ABLIM2: variants seen among roughly 807,000 people sequenced by gnomAD.
ABLIM2 encodes actin binding LIM protein family member 2.
Under a neutral mutation model 97.7 loss-of-function variants are expected in ABLIM2, and 53 were observed. The ratio of observed to expected loss-of-function variants is 0.54; its 90% CI spans 0.44 to 0.68. The LOEUF (loss-of-function observed/expected upper bound fraction) is 0.68, where lower values mean the gene tolerates loss of function less well. ABLIM2 is among the 30% of genes least tolerant of loss of function. The probability of loss-of-function intolerance (pLI) is 0.00; values close to 1 mark genes in which losing one functional copy is unlikely to be tolerated. For synonymous variants in ABLIM2, 361 were observed against 345.8 expected (o/e 1.04, Z -0.49); for missense variants, 835 against 867.2 (o/e 0.96, Z 0.47).
chr4:8,117,963 T>G (rs564936960), intron 1 of ABLIM2, among the ~76,000 whole-genome samples: 2 of 152,218 alleles, frequency 1.3e-5, no homozygotes, highest in Non-Finnish European at 1.5e-5. Context: ...CTGGGCTTCA[T>G]GCAGGACATC....
rs1376837073 is a variant in ABLIM2, at chr4:8,021,979, G to A, written c.1268-1676C>T. Among the ~76,000 whole-genome samples, 3 of 152,114 alleles carry A rather than the reference G, an allele frequency of 2.0e-5. No individual in the cohort carries two copies. In the South Asian group the frequency reaches 6.2e-4, roughly 32 times the overall value. ...GGTCACGCTCGTCAGGATGCTCCACGGTGGACTCCTGCACCTCCTGGTGGC... is the reference window on the plus strand; with the variant it reads ...GGTCACGCTCGTCAGGATGCTCCACAGTGGACTCCTGCACCTCCTGGTGGC... On this transcript the variant is annotated intron_variant, in intron 12 of 20. Coordinates refer to ENST00000447017, the MANE Select transcript of ABLIM2 (RefSeq NM_001130083.2). The surrounding 1 kb of genome is among the most constrained non-coding windows in gnomAD (Gnocchi z 5.5).
intron 14 of ABLIM2, among the ~76,000 whole-genome samples, chr4:8,016,279 C>T (rs1350953349): frequency 6.6e-6 from 1 of 151,996 alleles, no homozygotes; most frequent in African/African-American, 2.4e-5. Context: ...CCTGACCTCA[C>T]GTGATCCACC....
At chr4:7,982,172 C>T (rs1739126364) in intron 20 of ABLIM2, among the ~76,000 whole-genome samples, 1 of 145,372 alleles carries the variant, frequency 6.9e-6, no homozygotes. Context: ...AGCCACCGCC[C>T]CTCAGCGGCA....
intron 18 of ABLIM2, among the ~76,000 whole-genome samples, chr4:7,984,269 G>GC (rs1195517526): frequency 2.0e-5 from 3 of 152,200 alleles, no homozygotes; most frequent in African/African-American, 7.2e-5. Flanking sequence ...CTTAGAGGGA[G>GC]CAGGCTGTGG....
intron 8 of ABLIM2, among the ~76,000 whole-genome samples, chr4:8,049,104 T>C (rs1794390536): frequency 6.6e-6 from 1 of 152,080 alleles, no homozygotes; most frequent in African/African-American, 2.4e-5. Flanking sequence ...TCACGGCGCC[T>C]CTGAGCATCC....
chr4:8,063,912 C>T (rs1337726939), intron 6 of ABLIM2, among the ~76,000 whole-genome samples: 2 of 152,216 alleles, frequency 1.3e-5, no homozygotes, highest in Non-Finnish European at 1.5e-5. Context: ...CCTTTCGTTA[C>T]CAGGGAATAA....
rs1249689783 is a variant in ABLIM2, at chr4:8,087,900, A to G, written c.454+269T>C. Reference sequence around the variant, plus strand: ...CTCCTCACATTTATTCACAGCGTTCACTGCAGCTGCTGCTGCTCTGGGTCC... The same window carrying G: ...CTCCTCACATTTATTCACAGCGTTCGCTGCAGCTGCTGCTGCTCTGGGTCC... On this transcript the variant is annotated intron_variant, in intron 4 of 20. Transcript: ENST00000447017. This position sits in a 1 kb window ranked among gnomAD's most constrained non-coding sequence, Gnocchi z 4.6. Among the ~76,000 whole-genome samples, 1 of 151,896 alleles carries G rather than the reference A, an allele frequency of 6.6e-6. No individual in the cohort carries two copies. The highest frequency in any genetic ancestry group is 1.5e-5 in the Non-Finnish European group (1 of 67,956).
chr4:7,998,854 T>A lies in ABLIM2; in HGVS notation c.1619-5927A>T, dbSNP rs576339008. ...CACTTTGCTGTTCCCACCTTTAGAGTTGTCCTGTGACCAACCGTCTGCCGT... is the reference window on the plus strand; with the variant it reads ...CACTTTGCTGTTCCCACCTTTAGAGATGTCCTGTGACCAACCGTCTGCCGT... On this transcript the variant is annotated intron_variant, in intron 16 of 20. Transcript: ENST00000447017. The surrounding 1 kb of genome is among the most constrained non-coding windows in gnomAD (Gnocchi z 6.4). Among the ~76,000 whole-genome samples, 2 of 152,070 alleles carry A rather than the reference T, an allele frequency of 1.3e-5. No homozygotes were observed. Among genetic ancestry groups the A allele is most frequent in the Non-Finnish European group, 2.9e-5 (2 of 67,996 alleles).
At chr4:7,968,903 G>C (rs956392539) in intron 20 of ABLIM2, among the ~76,000 whole-genome samples, 1 of 152,196 alleles carries the variant, frequency 6.6e-6, no homozygotes, top group African/African-American at 2.4e-5. Context: ...CACTTTGGGA[G>C]GTTGAGGCGT....
chr4:8,107,081 A>C (rs554720270), intron 1 of ABLIM2, among the ~76,000 whole-genome samples: 86 of 152,334 alleles, frequency 5.6e-4, no homozygotes, highest in Non-Finnish European at 9.6e-4. Context: ...AGGGACCAAC[A>C]TCCTCTCTTC....
In ABLIM2 at chr4:8,128,184, CTG is replaced by C. The variant is rs1848742181; in HGVS notation, c.11-21549_11-21548del. ...CCCCCACCTTCACAGGCCGTCTTCC[CTG>C]TGTGTCTCTGCGTGTCCTTTTTAGT... On this transcript the variant is annotated intron_variant, in intron 1 of 20. Transcript: ENST00000447017. This position sits in a 1 kb window ranked among gnomAD's most constrained non-coding sequence, Gnocchi z 4.9. Among the ~76,000 whole-genome samples the C allele has an allele frequency of 6.6e-6, 1 of 152,192 alleles. No individual in the cohort carries two copies. The highest frequency in any genetic ancestry group is 2.4e-5 in the African/African-American group (1 of 41,450).
Position 8,015,615 on chromosome 4 carries a change from G to C in ABLIM2, c.1423+4003C>G, listed in dbSNP as rs1768430358. Reference sequence around the variant, plus strand: ...GGCACAAAGACACAGGGAACAACGTGTGTCCCGTGGGGTCACTTCCACTGT... The same window carrying C: ...GGCACAAAGACACAGGGAACAACGTCTGTCCCGTGGGGTCACTTCCACTGT... On this transcript the variant is annotated intron_variant, in intron 14 of 20. Coordinates refer to ENST00000447017, the MANE Select transcript of ABLIM2 (RefSeq NM_001130083.2). The surrounding 1 kb of genome is among the most constrained non-coding windows in gnomAD (Gnocchi z 4.6). Among the ~76,000 whole-genome samples, 1 of 152,206 alleles carries C rather than the reference G, an allele frequency of 6.6e-6. No homozygotes were observed. Among genetic ancestry groups the C allele is most frequent in the Non-Finnish European group, 1.5e-5 (1 of 68,036 alleles).
At chr4:7,988,833 A>G (rs1178481819) in intron 17 of ABLIM2, among the ~76,000 whole-genome samples, 1 of 152,230 alleles carries the variant, frequency 6.6e-6, no homozygotes, top group Admixed American at 6.5e-5. Context: ...TGAACTCAGG[A>G]CTGTCTGATG....
At chr4:8,006,009 G>A (rs1004889220) in intron 16 of ABLIM2, among the ~76,000 whole-genome samples, 22 of 152,210 alleles carry the variant, frequency 1.4e-4, no homozygotes, top group African/African-American at 5.1e-4. Context: ...AGAATGTGAC[G>A]ACAAGGGGTG....
chr4:7,985,591 AC>A (rs1419720307), intron 17 of ABLIM2, among the ~76,000 whole-genome samples: 1 of 152,134 alleles, frequency 6.6e-6, no homozygotes, highest in Non-Finnish European at 1.5e-5. Context: ...CGTGGTACTC[AC>A]GGCAGCTCTG....
intron 2 of ABLIM2, among the ~76,000 whole-genome samples, chr4:8,097,533 A>G (rs1832306432): frequency 6.6e-6 from 1 of 152,166 alleles, no homozygotes; most frequent in African/African-American, 2.4e-5. Flanking sequence ...TGACCGGGAC[A>G]AGAGCCAGGC....
chr4:8,032,425 C>T lies in ABLIM2; in HGVS notation c.1048-2649G>A, dbSNP rs1413034179. On this transcript the variant is annotated intron_variant, in intron 10 of 20. Coordinates refer to ENST00000447017, the MANE Select transcript of ABLIM2 (RefSeq NM_001130083.2). The surrounding 1 kb of genome is among the most constrained non-coding windows in gnomAD (Gnocchi z 4.3). ...AGACCCGCGTCCCAGGCGGCCACATCCGCAGGGCTGGCAGACATATCGGGG... is the reference window on the plus strand; with the variant it reads ...AGACCCGCGTCCCAGGCGGCCACATTCGCAGGGCTGGCAGACATATCGGGG... Among the ~76,000 whole-genome samples the T allele has an allele frequency of 3.3e-5, 5 of 152,182 alleles. No homozygotes were observed. The highest frequency in any genetic ancestry group is 7.2e-5 in the African/African-American group (3 of 41,446).
Position 8,140,202 on chromosome 4 carries a change from C to T in ABLIM2, c.10+18478G>A, listed in dbSNP as rs534080767. On this transcript the variant is annotated intron_variant, in intron 1 of 20. Transcript: ENST00000447017. The surrounding 1 kb of genome is among the most constrained non-coding windows in gnomAD (Gnocchi z 5.9). ...AGGTGCGGCAAACCACCATGGCACA[C>T]GTTTACCTGTGTAACAAACCTGCAT... Among the ~76,000 whole-genome samples, 2 of 152,106 alleles carry T rather than the reference C, an allele frequency of 1.3e-5. No homozygotes were observed. The highest frequency in any genetic ancestry group is 2.9e-5 in the Non-Finnish European group (2 of 68,026).
At chr4:8,039,917 G>C (rs1787196688) in intron 9 of ABLIM2, among the ~76,000 whole-genome samples, 1 of 130,876 alleles carries the variant, frequency 7.6e-6, no homozygotes, top group African/African-American at 2.9e-5. Flanking sequence ...GATTGCTTTT[G>C]GCAGAAAGAA....
Sources: gnomAD v4.1 joint callset for allele counts (sites outside exome capture counted in the v4.1 genomes callset) on GRCh38, gnomAD v4.1.1 for gene constraint, Gnocchi (gnomAD v3.1) non-coding constraint, MANE v1.5 for transcripts, NCBI Gene and HGNC (gene_info 2026-07-23, HGNC 2026-07-21) for gene names.